KIAA1217: variants seen among roughly 807,000 people sequenced by gnomAD.
KIAA1217 encodes sickle tail protein homolog.
KIAA1217 carries 88 observed loss-of-function variants against 163.9 expected under a neutral mutation model. That is an observed-to-expected ratio of 0.54 (90% CI 0.45 to 0.64). KIAA1217 has a LOEUF of 0.64. KIAA1217 is among the 30% of genes least tolerant of loss of function. KIAA1217 has a pLI of 0.00. For missense variants in KIAA1217, 2,372 were observed against 2,475.0 expected, an observed-to-expected ratio of 0.96 and a Z score of 0.88; for synonymous variants, 903 against 923.1, an observed-to-expected ratio of 0.98 and a Z score of 0.39.
At chr10:23,699,107 C>T (rs1406867571) in intron 1 of KIAA1217, among the ~76,000 whole-genome samples, 1 of 152,222 alleles carries the variant, frequency 6.6e-6, no homozygotes, top group East Asian at 1.9e-4. Context: ...TGAGAGCGGT[C>T]TCCCATGCCA....
rs1251130955 is a variant in KIAA1217, at chr10:24,382,839, C to CT, written c.553+1776dup. ...TGGATTCAAGAAATTTGTGGTTTTT[C>CT]TTTTCTTTTTTTTTTTTTTTTTTCT... On this transcript the variant is annotated intron_variant, in intron 3 of 20. Transcript: ENST00000376454. 0.01 allele frequency among the ~76,000 whole-genome samples: 1,167 copies of CT among 112,204 alleles called. 100 individuals carry two copies. In the East Asian group the frequency reaches 0.16, roughly 16 times the overall value. 73.6% of individuals were successfully genotyped at this position (112,204 alleles called of 152,430 possible). A position where few individuals can be genotyped will look rare whatever the true frequency, so the allele number is the denominator to read the frequency against.
At chr10:24,360,658 C>T (rs1338160449) in intron 2 of KIAA1217, among the ~76,000 whole-genome samples, 1 of 152,120 alleles carries the variant, frequency 6.6e-6, no homozygotes, top group Non-Finnish European at 1.5e-5. Context: ...ATTTCAGCTG[C>T]CTCCTTTGAT....
intron 1 of KIAA1217, among the ~76,000 whole-genome samples, chr10:23,792,390 A>G (rs1295164378): frequency 6.6e-6 from 1 of 152,224 alleles, no homozygotes; most frequent in African/African-American, 2.4e-5. Flanking sequence ...GTTCTCTTAT[A>G]GTAAACTTTC....
intron 2 of KIAA1217, among the ~76,000 whole-genome samples, chr10:24,115,926 G>A (rs901529868): frequency 6.6e-6 from 1 of 152,120 alleles, no homozygotes; most frequent in African/African-American, 2.4e-5. Context: ...GTCTCAGTCC[G>A]ACCAGCTTGC....
chr10:23,805,996 CAAAAAAAAAAAAAAAA>C (rs71397917), intron 1 of KIAA1217, among the ~76,000 whole-genome samples: 3 of 30,512 alleles, frequency 9.8e-5, no homozygotes, highest in South Asian at 2.7e-3. Flanking sequence ...AACTCCATCT[CAAAAAAAAAAAAAAAA>C]AAAAAAAAAA....
intron 2 of KIAA1217, among the ~76,000 whole-genome samples, chr10:24,130,195 T>C (rs1399110340): frequency 6.6e-6 from 1 of 152,046 alleles, no homozygotes; most frequent in Non-Finnish European, 1.5e-5. Context: ...AGAGACAGAG[T>C]TTCACTCTGT....
intron 2 of KIAA1217, among the ~76,000 whole-genome samples, chr10:24,330,965 A>G (rs754273277): frequency 6.6e-6 from 1 of 151,882 alleles, no homozygotes; most frequent in South Asian, 2.1e-4. Context: ...ATTTTTTGAG[A>G]CAGGGTCTCA....
chr10:24,535,230 G>A (rs16924855), intron 16 of KIAA1217, among the ~76,000 whole-genome samples: 1,618 of 152,284 alleles, frequency 0.011, 29 homozygotes, highest in African/African-American at 0.037. Flanking sequence ...AACACATCCG[G>A]GGCAAGCTAG....
Position 24,520,372 on chromosome 10 carries a change from C to T in KIAA1217, c.2308+119C>T, listed in dbSNP as rs74122816. ...GTATTTATTAAACGTCTACATGTGC[C>T]AGGCATTGTTCTGGACACTTGGGAT... On this transcript the variant is annotated intron_variant, in intron 11 of 20. Transcript: ENST00000376454. 4.3e-3 allele frequency: 5,967 copies of T among 1,390,822 alleles called. 205 individuals are homozygous for T. In the African/African-American group the frequency reaches 0.073, roughly 17 times the overall value. 86.2% of individuals were successfully genotyped at this position (1,390,822 alleles called of 1,614,324 possible). A position where few individuals can be genotyped will look rare whatever the true frequency, so the allele number is the denominator to read the frequency against.
At chr10:24,305,882 A>T (rs573913226) in intron 2 of KIAA1217, among the ~76,000 whole-genome samples, 4 of 152,238 alleles carry the variant, frequency 2.6e-5, no homozygotes, top group African/African-American at 9.6e-5. Context: ...TTTAGAAGTC[A>T]TCAACATCTC....
chr10:24,077,964 A>T (rs552932535), intron 2 of KIAA1217, among the ~76,000 whole-genome samples: 1 of 151,962 alleles, frequency 6.6e-6, no homozygotes, highest in East Asian at 1.9e-4. Context: ...TTTTTTTCAT[A>T]TCGTTGTTGG....
At chr10:23,926,554 G>A (rs1019447690) in intron 1 of KIAA1217, among the ~76,000 whole-genome samples, 3 of 151,948 alleles carry the variant, frequency 2.0e-5, no homozygotes, top group Non-Finnish European at 4.4e-5. Context: ...GTGAAGCCCC[G>A]TCTCTACTAA....
At chr10:24,337,227 A>G (rs2046456802) in intron 2 of KIAA1217, among the ~76,000 whole-genome samples, 1 of 152,272 alleles carries the variant, frequency 6.6e-6, no homozygotes, top group African/African-American at 2.4e-5. Context: ...ACAAGTTTTT[A>G]AAACCCAATT....
At chr10:24,444,412 A>G (rs2060752021) in intron 5 of KIAA1217, among the ~76,000 whole-genome samples, 1 of 152,048 alleles carries the variant, frequency 6.6e-6, no homozygotes, top group African/African-American at 2.4e-5. Flanking sequence ...GTCAGAATTC[A>G]TCTTTCCCTT....
At chr10:24,464,397 C>T (rs1429379874) in intron 5 of KIAA1217, among the ~76,000 whole-genome samples, 1 of 152,186 alleles carries the variant, frequency 6.6e-6, no homozygotes, top group Non-Finnish European at 1.5e-5. Flanking sequence ...CTTCTTCTCG[C>T]ATTGAACCGA....
intron 1 of KIAA1217, among the ~76,000 whole-genome samples, chr10:23,906,632 A>C (rs1842174163): frequency 6.6e-6 from 1 of 152,134 alleles, no homozygotes; most frequent in Non-Finnish European, 1.5e-5. Flanking sequence ...GAATGTCTCC[A>C]AGACTAAATC....
intron 3 of KIAA1217, among the ~76,000 whole-genome samples, chr10:24,386,193 C>T (rs2053984421): frequency 6.6e-6 from 1 of 152,212 alleles, no homozygotes; most frequent in Non-Finnish European, 1.5e-5. Context: ...CTGCAACAAA[C>T]TGCCTCTGAA....
At chr10:24,406,217 A>G (rs1234872341) in intron 3 of KIAA1217, among the ~76,000 whole-genome samples, 1 of 152,256 alleles carries the variant, frequency 6.6e-6, no homozygotes, top group African/African-American at 2.4e-5. Flanking sequence ...ATCAAGCTAT[A>G]AGCATAGAAA....
chr10:24,348,358 T>TAAAATAAAAC (rs56385555), intron 2 of KIAA1217, among the ~76,000 whole-genome samples: 2 of 151,678 alleles, frequency 1.3e-5, no homozygotes, highest in African/African-American at 4.8e-5. Flanking sequence ...TAAAATGAAA[T>TAAAATAAAAC]AATTATCCTA....
Sources: allele counts gnomAD v4.1 joint callset (sites outside exome capture counted in the v4.1 genomes callset), GRCh38; gene constraint gnomAD v4.1.1; transcripts MANE v1.5; gene names NCBI Gene and HGNC (gene_info 2026-07-23, HGNC 2026-07-21).